LTBP1: variants seen among roughly 807,000 people sequenced by gnomAD.
LTBP1 encodes latent-transforming growth factor beta-binding protein 1.
A neutral mutation model predicts 207.6 loss-of-function variants in LTBP1; 129 were observed. The ratio of observed to expected loss-of-function variants is 0.62; its 90% CI spans 0.54 to 0.72. LTBP1 has a LOEUF of 0.72. LTBP1 is among the 30% of genes least tolerant of loss of function. The probability of loss-of-function intolerance (pLI) is 0.00; values close to 1 mark genes in which losing one functional copy is unlikely to be tolerated. For missense variants in LTBP1, 2,281 were observed against 2,217.2 expected (o/e 1.03, Z -0.58); for synonymous variants, 963 against 833.7 (o/e 1.16, Z -2.67).
In LTBP1 at chr2:33,103,456, G is replaced by A. The variant is rs118040413; in HGVS notation, c.864-7126G>A. Among the ~76,000 whole-genome samples the A allele has an allele frequency of 7.9e-3, 1,210 of 152,266 alleles. 11 individuals are homozygous for A. The highest frequency in any genetic ancestry group is 0.01 in the Middle Eastern group (3 of 294). ...GCACCATGTGTGTAGTCTGTATGCT[G>A]TTTGCATTGTCTGCATGTGCTTCCC... On this transcript the variant is annotated intron_variant, in intron 3 of 33. Coordinates refer to ENST00000404816, the MANE Select transcript of LTBP1 (RefSeq NM_206943.4).
intron 2 of LTBP1, among the ~76,000 whole-genome samples, chr2:33,019,614 CG>C (rs2075054229): frequency 2.6e-5 from 4 of 152,066 alleles, no homozygotes; most frequent in African/African-American, 9.7e-5. Flanking sequence ...GGATTACAGG[CG>C]TGAGCCACTG....
intron 20 of LTBP1, 82 bp downstream of exon 20, chr2:33,293,364 A>T: frequency 4.4e-6 from 6 of 1,354,386 alleles, no homozygotes; most frequent in Non-Finnish European, 5.9e-6. Context: ...AGAAAAGGGA[A>T]CCCTGCTACC....
chr2:32,962,113 A>G (rs1445004270), intron 2 of LTBP1, among the ~76,000 whole-genome samples: 1 of 152,106 alleles, frequency 6.6e-6, no homozygotes, highest in Non-Finnish European at 1.5e-5. Flanking sequence ...ATTTTCAATG[A>G]GTTTTTGGTA....
chr2:32,978,178 T>A (rs893528270), intron 2 of LTBP1, among the ~76,000 whole-genome samples: 12 of 152,170 alleles, frequency 7.9e-5, no homozygotes, highest in South Asian at 6.2e-4. Flanking sequence ...TAATTTGACT[T>A]CTTCCTTTTC....
chr2:33,243,737 C>G lies in LTBP1; in HGVS notation c.1952C>G (p.Thr651Ser). Residue 651 changes from threonine to serine, a missense_variant, in exon 10 of 34, where the codon ACC (threonine) becomes AGC (serine). By Grantham distance (58) the Thr-to-Ser change is moderately conservative. This residue lies in a region of LTBP1 where 1,671 missense variants were observed against 1,634.8 expected (regional missense o/e 1.02). Coordinates refer to ENST00000404816, the MANE Select transcript of LTBP1 (RefSeq NM_206943.4). The part of the protein sequence containing the change: ...CLNTMGSYRC[T>S]CKIGFGPDPT... ...AATACCATGGGCAGCTATCGATGTA[C>G]CTGCAAAATAGGATTTGGGCCGGAT... 6.2e-7 allele frequency: 1 copy of G among 1,613,540 alleles called. No homozygotes were observed. Among genetic ancestry groups the G allele is most frequent in the African/African-American group, 1.3e-5 (1 of 75,006 alleles).
intron 10 of LTBP1, among the ~76,000 whole-genome samples, chr2:33,251,176 A>G (rs2092673903): frequency 6.6e-6 from 1 of 152,176 alleles, no homozygotes; most frequent in African/African-American, 2.4e-5. Flanking sequence ...ATCCTCGGCA[A>G]AATTTTGCAC....
intron 3 of LTBP1, among the ~76,000 whole-genome samples, chr2:33,105,929 A>C (rs1305140001): frequency 6.6e-6 from 1 of 152,222 alleles, no homozygotes; most frequent in Non-Finnish European, 1.5e-5. Flanking sequence ...TACGCACAAT[A>C]GAACTGCTTC....
intron 7 of LTBP1, among the ~76,000 whole-genome samples, chr2:33,189,076 A>G (rs1213708909): frequency 6.6e-6 from 1 of 152,264 alleles, no homozygotes; most frequent in Non-Finnish European, 1.5e-5. Context: ...GCAGAATTAA[A>G]TAGTCCAGTG....
At chr2:33,115,037 TACACACACAC>T (rs60544598) in intron 4 of LTBP1, among the ~76,000 whole-genome samples, 114 of 145,266 alleles carry the variant, frequency 7.8e-4, no homozygotes, top group South Asian at 2.5e-3. Context: ...AACAGATATA[TACACACACAC>T]ACACACACAC....
intron 9 of LTBP1, among the ~76,000 whole-genome samples, chr2:33,239,497 G>T (rs1353348025): frequency 1.3e-5 from 2 of 152,132 alleles, no homozygotes; most frequent in Non-Finnish European, 2.9e-5. Flanking sequence ...CATCTATAGA[G>T]GGAGAACAAG....
chr2:33,265,667 A>T (rs1326068922), intron 15 of LTBP1, among the ~76,000 whole-genome samples: 1 of 152,202 alleles, frequency 6.6e-6, no homozygotes, highest in Non-Finnish European at 1.5e-5. Context: ...AAATGCTGGG[A>T]GAAAATACAC....
At chr2:33,387,523 A>G (rs546216851) in intron 31 of LTBP1, among the ~76,000 whole-genome samples, 2 of 152,322 alleles carry the variant, frequency 1.3e-5, no homozygotes, top group South Asian at 4.1e-4. Context: ...CATAAGGAGA[A>G]TTTTAGACAG....
At chr2:33,213,906 A>G (rs2149317917) in intron 7 of LTBP1, among the ~76,000 whole-genome samples, 1 of 152,352 alleles carries the variant, frequency 6.6e-6, no homozygotes, top group Non-Finnish European at 1.5e-5. Context: ...AAACAAAGCC[A>G]TGGGATAAAG....
intron 7 of LTBP1, among the ~76,000 whole-genome samples, chr2:33,203,332 A>C (rs1028483527): frequency 1.1e-4 from 17 of 152,212 alleles, no homozygotes; most frequent in Non-Finnish European, 1.3e-4. Context: ...GAGAGAGAAC[A>C]TGTCTGCATG....
chr2:33,364,973 A>C (rs1368564899), intron 30 of LTBP1, among the ~76,000 whole-genome samples: 1 of 152,238 alleles, frequency 6.6e-6, no homozygotes, highest in Admixed American at 6.5e-5. Context: ...TAGCTGTTAC[A>C]TGGAAAGAAA....
At chr2:33,251,839 C>A (rs1469334992) in intron 10 of LTBP1, among the ~76,000 whole-genome samples, 1 of 152,008 alleles carries the variant, frequency 6.6e-6, no homozygotes, top group Admixed American at 6.6e-5. Flanking sequence ...GGACCTGGTT[C>A]TGTAGAATAC....
At chr2:33,253,041 C>T (rs1447522966) in intron 11 of LTBP1, among the ~76,000 whole-genome samples, 197 bp downstream of exon 11, 2 of 152,030 alleles carry the variant, frequency 1.3e-5, no homozygotes, top group East Asian at 3.9e-4. Context: ...AGAGATTTTC[C>T]CATTTCTATG....
chr2:32,999,647 T>G (rs1685798607), intron 2 of LTBP1, among the ~76,000 whole-genome samples: 1 of 133,458 alleles, frequency 7.5e-6, no homozygotes, highest in Non-Finnish European at 1.6e-5. Context: ...ATCCCAGCAC[T>G]TTGGGAGGCC....
chr2:33,367,026 A>G (rs1471165005), intron 31 of LTBP1, among the ~76,000 whole-genome samples: 1 of 152,182 alleles, frequency 6.6e-6, no homozygotes, highest in Non-Finnish European at 1.5e-5. Flanking sequence ...TCTGCTCCTT[A>G]AAGACACTCA....
Sources: gnomAD v4.1 joint callset for allele counts (sites outside exome capture counted in the v4.1 genomes callset) on GRCh38, gnomAD v4.1.1 for gene constraint, gnomAD v4.1.1 regional missense constraint, MANE v1.5 for transcripts, NCBI Gene and HGNC (gene_info 2026-07-23, HGNC 2026-07-21) for gene names.